Variants in IMMP2L observed in about 807,000 individuals in gnomAD.
The protein encoded by IMMP2L is mitochondrial inner membrane protease subunit 2.
Under a neutral mutation model 19.3 loss-of-function variants are expected in IMMP2L, and 18 were observed. The observed-to-expected ratio is 0.93, with a 90% CI of 0.64 to 1.38. The LOEUF is 1.38. Among genes scored for constraint, IMMP2L ranks in the 40% most tolerant of loss-of-function variants. IMMP2L has a pLI of 0.00. For missense variants in IMMP2L, 233 were observed against 218.2 expected, an observed-to-expected ratio of 1.07 and a Z score of -0.43; for synonymous variants, 76 against 73.0, an observed-to-expected ratio of 1.04 and a Z score of -0.21.
At chr7:110,965,933 C>G (rs371488421) in intron 3 of IMMP2L, among the ~76,000 whole-genome samples, 2 of 151,996 alleles carry the variant, frequency 1.3e-5, no homozygotes, top group East Asian at 1.9e-4. Flanking sequence ...AATCATACTT[C>G]CAGAAATGTA....
intron 5 of IMMP2L, among the ~76,000 whole-genome samples, chr7:110,689,317 A>G (rs1793334429): frequency 6.6e-6 from 1 of 152,176 alleles, no homozygotes. Context: ...CAAAGAGATG[A>G]TTAGAGTAGT....
intron 3 of IMMP2L, among the ~76,000 whole-genome samples, chr7:111,011,704 T>A (rs1824976972): frequency 2.0e-5 from 3 of 151,930 alleles, no homozygotes; most frequent in Admixed American, 2.0e-4. Context: ...CTGACAAGAG[T>A]GTCAGTGAGT....
At chr7:111,360,343 T>C (rs1292801884) in intron 3 of IMMP2L, among the ~76,000 whole-genome samples, 5 of 152,148 alleles carry the variant, frequency 3.3e-5, no homozygotes, top group Non-Finnish European at 5.9e-5. Context: ...ACTCTGATGG[T>C]CCCCATGAAC....
intron 3 of IMMP2L, among the ~76,000 whole-genome samples, chr7:111,279,772 T>G (rs1010019526): frequency 6.6e-6 from 1 of 152,002 alleles, no homozygotes; most frequent in East Asian, 1.9e-4. Context: ...TAAACAGACA[T>G]ATAAAGAGGC....
chr7:111,472,128 C>T (rs1336860155), intron 3 of IMMP2L, among the ~76,000 whole-genome samples: 1 of 152,094 alleles, frequency 6.6e-6, no homozygotes, highest in African/African-American at 2.4e-5. Context: ...TGTAATTTAA[C>T]TAATATTGTT....
intron 3 of IMMP2L, among the ~76,000 whole-genome samples, chr7:111,084,601 CA>C (rs1796155780): frequency 1.3e-5 from 2 of 151,998 alleles, no homozygotes; most frequent in Non-Finnish European, 2.9e-5. Context: ...GAACAGTAGG[CA>C]AAAGAACAAG....
chr7:110,890,655 G>A (rs1810698760), intron 4 of IMMP2L, among the ~76,000 whole-genome samples: 1 of 152,144 alleles, frequency 6.6e-6, no homozygotes, highest in South Asian at 2.1e-4. Context: ...TAAGTGAGGT[G>A]TCAGCCTACA....
At chr7:111,312,814 A>T (rs1326127676) in intron 3 of IMMP2L, among the ~76,000 whole-genome samples, 1 of 152,158 alleles carries the variant, frequency 6.6e-6, no homozygotes. Context: ...CTCATCTTTG[A>T]AATTCTGTCT....
intron 1 of IMMP2L, among the ~76,000 whole-genome samples, chr7:111,559,964 G>A (rs907815830): frequency 6.6e-6 from 1 of 151,804 alleles, no homozygotes; most frequent in East Asian, 1.9e-4. Flanking sequence ...CAAGAAGAAG[G>A]AGAAAAAGAA....
At chr7:111,009,711 T>C (rs1004543899) in intron 3 of IMMP2L, among the ~76,000 whole-genome samples, 1 of 152,124 alleles carries the variant, frequency 6.6e-6, no homozygotes, top group African/African-American at 2.4e-5. Context: ...AAGTTAATCT[T>C]TGGCAACACC....
At chr7:111,065,997 T>A (rs1204677326) in intron 3 of IMMP2L, among the ~76,000 whole-genome samples, 1 of 150,566 alleles carries the variant, frequency 6.6e-6, no homozygotes, top group Non-Finnish European at 1.5e-5. Context: ...TTTTTTTTTT[T>A]TTTTTTTTTG....
intron 5 of IMMP2L, among the ~76,000 whole-genome samples, chr7:110,854,355 T>C (rs767009493): frequency 6.6e-6 from 1 of 151,980 alleles, no homozygotes; most frequent in Non-Finnish European, 1.5e-5. Flanking sequence ...GGAATGGTAA[T>C]AGTGAACAGA....
At chr7:110,929,691 T>C (rs767060895) in intron 4 of IMMP2L, among the ~76,000 whole-genome samples, 1 of 152,200 alleles carries the variant, frequency 6.6e-6, no homozygotes, top group Non-Finnish European at 1.5e-5. Flanking sequence ...ATCTTCTGCC[T>C]AAGCAGGCTC....
chr7:110,814,863 G>C (rs1190978496), intron 5 of IMMP2L, among the ~76,000 whole-genome samples: 1 of 151,824 alleles, frequency 6.6e-6, no homozygotes, highest in African/African-American at 2.4e-5. Flanking sequence ...ATAGAAATTT[G>C]TTATGATATT....
intron 3 of IMMP2L, among the ~76,000 whole-genome samples, chr7:111,305,649 T>C (rs1822788180): frequency 6.6e-6 from 1 of 152,198 alleles, no homozygotes; most frequent in South Asian, 2.1e-4. Context: ...CTGATTTATA[T>C]ATCAGTAATA....
intron 1 of IMMP2L, among the ~76,000 whole-genome samples, chr7:111,557,796 C>T (rs1791541393): frequency 6.6e-6 from 1 of 151,970 alleles, no homozygotes. Context: ...GTCACTAGTT[C>T]CATGTACATT....
At position 110,713,950 on chromosome 7, in the gene IMMP2L, AT is replaced by A. The variant is rs747372172; in HGVS notation, c.409-50230del. 3.3e-5 allele frequency among the ~76,000 whole-genome samples: 5 copies of A among 152,212 alleles called. No homozygotes were observed. The East Asian group carries it at 9.7e-4, about 29-fold the overall frequency. ...TTTTGCCTGATGGCTCTGGCTAGGA[AT>A]TCCAGTACAATGTTGAACAGGAGTA... On this transcript the variant is annotated intron_variant, in intron 5 of 5. Transcript: ENST00000405709.
chr7:110,949,399 T>C (rs1418592323), intron 4 of IMMP2L, among the ~76,000 whole-genome samples: 3 of 152,198 alleles, frequency 2.0e-5, no homozygotes, highest in African/African-American at 7.2e-5. Flanking sequence ...AACAAATCCA[T>C]GGCTTTTAGA....
chr7:111,065,831 A>G (rs1347436252), intron 3 of IMMP2L, among the ~76,000 whole-genome samples: 1 of 151,952 alleles, frequency 6.6e-6, no homozygotes. Flanking sequence ...AGATAATACT[A>G]CTTAATAAAC....
Sources: gnomAD v4.1 joint callset for allele counts (sites outside exome capture counted in the v4.1 genomes callset) on GRCh38, gnomAD v4.1.1 for gene constraint, MANE v1.5 for transcripts, NCBI Gene and HGNC (gene_info 2026-07-23, HGNC 2026-07-21) for gene names.